SYT16: variants seen among roughly 807,000 people sequenced by gnomAD.
SYT16 encodes the protein synaptotagmin 16.
In SYT16, 42 loss-of-function variants were observed where a neutral mutation model predicts 61.4. That is an observed-to-expected ratio of 0.68 (90% CI 0.53 to 0.89). The LOEUF is 0.89. SYT16 is among the 40% of genes least tolerant of loss of function. SYT16 has a pLI of 0.00. For synonymous variants in SYT16, 314 were observed against 302.3 expected (o/e 1.04, Z -0.40); for missense variants, 804 against 807.3 (o/e 1.00, Z 0.05).
At chr14:61,918,966 A>G (rs534016450) in intron 1 of SYT16, among the ~76,000 whole-genome samples, 1 of 152,172 alleles carries the variant, frequency 6.6e-6, no homozygotes, top group African/African-American at 2.4e-5. Flanking sequence ...ATATAAGACT[A>G]AACCCAACAT....
At chr14:62,068,140 C>T (rs56367913) in intron 3 of SYT16, among the ~76,000 whole-genome samples, 30,375 of 152,086 alleles carry the variant, frequency 0.2, 3,405 homozygotes, top group South Asian at 0.25. Flanking sequence ...GATAAGGAAA[C>T]AACCTAAGTG....
At chr14:62,097,343 G>T (rs1471352120) in intron 7 of SYT16, among the ~76,000 whole-genome samples, 1 of 152,134 alleles carries the variant, frequency 6.6e-6, no homozygotes, top group Non-Finnish European at 1.5e-5. Flanking sequence ...CACCAGAAAA[G>T]AAAATATTGC....
chr14:61,916,302 G>T (rs1231676974), intron 1 of SYT16, among the ~76,000 whole-genome samples: 1 of 151,952 alleles, frequency 6.6e-6, no homozygotes, highest in Non-Finnish European at 1.5e-5. Context: ...TTTTTATAAG[G>T]CTGCTTTTAT....
intron 2 of SYT16, among the ~76,000 whole-genome samples, chr14:61,988,684 A>T (rs894926742): frequency 2.0e-5 from 3 of 152,156 alleles, no homozygotes; most frequent in Admixed American, 1.3e-4. Context: ...ACTTTATTAC[A>T]CTTATTTTCA....
intron 3 of SYT16, among the ~76,000 whole-genome samples, chr14:62,066,738 C>T (rs1034404696): frequency 6.6e-6 from 1 of 152,176 alleles, no homozygotes; most frequent in African/African-American, 2.4e-5. Flanking sequence ...TTCCAATTCA[C>T]ATTCAGCAAA....
intron 1 of SYT16, among the ~76,000 whole-genome samples, chr14:61,937,607 C>A (rs1297167729): frequency 6.6e-6 from 1 of 152,152 alleles, no homozygotes; most frequent in Non-Finnish European, 1.5e-5. Flanking sequence ...TGTGGATGGG[C>A]AGGAAGCCCC....
intron 3 of SYT16, among the ~76,000 whole-genome samples, chr14:62,040,262 A>G (rs1387007614): frequency 1.3e-5 from 2 of 152,162 alleles, no homozygotes; most frequent in South Asian, 2.1e-4. Context: ...CCTCATGAAG[A>G]TATGGAGAGG....
chr14:61,917,909 CATA>C (rs1220071561), intron 1 of SYT16, among the ~76,000 whole-genome samples: 1 of 152,120 alleles, frequency 6.6e-6, no homozygotes, highest in African/African-American at 2.4e-5. Context: ...ACCTTATACA[CATA>C]ATCTGAAGGT....
chr14:61,989,541 C>A (rs542012379), intron 2 of SYT16, among the ~76,000 whole-genome samples: 1 of 152,146 alleles, frequency 6.6e-6, no homozygotes, highest in African/African-American at 2.4e-5. Context: ...CCAGCCTGGG[C>A]AACAGAGCAA....
intron 1 of SYT16, among the ~76,000 whole-genome samples, chr14:61,955,422 A>G (rs2050833830): frequency 6.6e-6 from 1 of 152,048 alleles, no homozygotes; most frequent in African/African-American, 2.4e-5. Flanking sequence ...ATGAAACTTG[A>G]TATTTGTTGA....
In SYT16 at chr14:62,073,858, G is replaced by A. The variant is rs1013251651; in HGVS notation, c.737-1277G>A. 4.6e-5 allele frequency among the ~76,000 whole-genome samples: 7 copies of A among 152,132 alleles called. No individual in the cohort carries two copies. In the South Asian group the frequency reaches 1.4e-3, roughly 31 times the overall value. On this transcript the variant is annotated intron_variant, in intron 4 of 7. Coordinates refer to ENST00000683842, the MANE Select transcript of SYT16 (RefSeq NM_001367656.1). ...AGTTCTCTGAAGGGTAAGTGATAAC[G>A]CATTGGCAGATAAAGACTATGCAGT... is the stretch of plus-strand genomic sequence containing the variant.
chr14:62,053,086 AACT>A (rs1024368032), intron 3 of SYT16, among the ~76,000 whole-genome samples: 37 of 152,298 alleles, frequency 2.4e-4, no homozygotes, highest in African/African-American at 8.4e-4. Context: ...GTCATGAAGG[AACT>A]TTTAAAAGTG....
At chr14:62,095,194 A>G (rs2057230399) in intron 7 of SYT16, among the ~76,000 whole-genome samples, 1 of 152,070 alleles carries the variant, frequency 6.6e-6, no homozygotes, top group African/African-American at 2.4e-5. Flanking sequence ...AAGGAAATCT[A>G]TACCAATTCT....
intron 7 of SYT16, among the ~76,000 whole-genome samples, chr14:62,088,368 A>C (rs997616817): frequency 6.6e-6 from 1 of 152,254 alleles, no homozygotes. Context: ...GAAATTCTGC[A>C]GTAAGCAAAA....
intron 1 of SYT16, among the ~76,000 whole-genome samples, chr14:61,824,916 ATCGAACT>A (rs2045727850): frequency 6.6e-6 from 1 of 152,214 alleles, no homozygotes. Flanking sequence ...CATGTGGCTA[ATCGAACT>A]TGTGCTTGTA....
intron 1 of SYT16, among the ~76,000 whole-genome samples, chr14:61,867,826 A>G (rs1420316945): frequency 1.3e-5 from 2 of 151,994 alleles, no homozygotes; most frequent in Admixed American, 1.3e-4. Context: ...TATGAAGTTG[A>G]GGCAGTTTCC....
intron 1 of SYT16, among the ~76,000 whole-genome samples, chr14:61,960,825 T>C (rs2051088446): frequency 6.6e-6 from 1 of 152,096 alleles, no homozygotes; most frequent in African/African-American, 2.4e-5. Flanking sequence ...AGTATGATGT[T>C]GGGACAGAAC....
intron 1 of SYT16, among the ~76,000 whole-genome samples, chr14:61,847,381 C>G (rs1319686581): frequency 6.6e-6 from 1 of 152,174 alleles, no homozygotes; most frequent in South Asian, 2.1e-4. Context: ...GCCATTCTCT[C>G]CTGACCTGTA....
chr14:62,034,032 G>T (rs907232665), intron 3 of SYT16, among the ~76,000 whole-genome samples: 7 of 152,046 alleles, frequency 4.6e-5, no homozygotes, highest in Non-Finnish European at 7.4e-5. Context: ...AATTAAAATG[G>T]GCAGAGAACT....
Sources: gnomAD v4.1 joint callset for allele counts (sites outside exome capture counted in the v4.1 genomes callset) on GRCh38, gnomAD v4.1.1 for gene constraint, MANE v1.5 for transcripts, NCBI Gene and HGNC (gene_info 2026-07-23, HGNC 2026-07-21) for gene names.